NXN: variants seen among roughly 807,000 people sequenced by gnomAD.
NXN encodes the protein nucleoredoxin 1.
In NXN, 16 loss-of-function variants were observed where a neutral mutation model predicts 48.6. The ratio of observed to expected loss-of-function variants is 0.33; its 90% CI spans 0.22 to 0.50. The LOEUF is 0.50. Ranked by LOEUF, NXN falls within the 20% of genes least tolerant of loss-of-function variation. The pLI is 0.98. For synonymous variants in NXN, 281 were observed against 269.6 expected, an observed-to-expected ratio of 1.04 and a Z score of -0.41; for missense variants, 492 against 605.5, an observed-to-expected ratio of 0.81 and a Z score of 1.97.
rs1289413564 is a variant in NXN, at chr17:826,924, GC to G, written c.361-847del. Among the ~76,000 whole-genome samples the G allele has an allele frequency of 1.1e-4, 17 of 152,386 alleles. 1 individual carries two copies. In the East Asian group the frequency reaches 3.3e-3, roughly 29 times the overall value. ...GTCAATGCAAAGCCCAGGGCTGGAA[GC>G]CAAGCGTGGGCGGCCTCTGTTCGCC... On this transcript the variant is annotated intron_variant, in intron 1 of 7. Transcript: ENST00000336868.
chr17:885,671 G>GTTT (rs1275103196), intron 1 of NXN, among the ~76,000 whole-genome samples: 1 of 70,274 alleles, frequency 1.4e-5, no homozygotes, highest in African/African-American at 5.6e-5. Context: ...TGCGGTACTC[G>GTTT]CTTTTTTTTT....
intron 1 of NXN, among the ~76,000 whole-genome samples, chr17:931,311 GGTGTGGTGGTGT>G (rs2068851082): frequency 6.6e-6 from 1 of 151,128 alleles, no homozygotes; most frequent in Non-Finnish European, 1.5e-5. Context: ...AAATTAGCTG[GGTGTGGTGGTGT>G]GTGCCTGTAA....
chr17:921,523 C>A (rs1170984092), intron 1 of NXN, among the ~76,000 whole-genome samples: 3 of 152,192 alleles, frequency 2.0e-5, no homozygotes, highest in Non-Finnish European at 2.9e-5. Flanking sequence ...CCTCTGCCTG[C>A]CCCTGAATGC....
intron 1 of NXN, among the ~76,000 whole-genome samples, chr17:843,608 G>A (rs574404646): frequency 2.0e-5 from 3 of 152,332 alleles, no homozygotes; most frequent in Non-Finnish European, 4.4e-5. Flanking sequence ...TGCATAGGAG[G>A]GGGAGTGAGG....
intron 1 of NXN, among the ~76,000 whole-genome samples, chr17:878,438 A>T (rs796277768): frequency 4.4e-4 from 23 of 52,438 alleles, no homozygotes; most frequent in East Asian, 2.8e-3. Flanking sequence ...CCCTTGAAGG[A>T]GGGGTTTGCG....
chr17:944,107 C>T (rs990554153), intron 1 of NXN, among the ~76,000 whole-genome samples: 9 of 149,680 alleles, frequency 6.0e-5, no homozygotes, highest in Admixed American at 3.3e-4. Context: ...GGTGTGGTGA[C>T]GGGTGCCTGT....
chr17:799,551 T>A lies in NXN; in HGVS notation c.*1398A>T, dbSNP rs1911093525. On this transcript the variant is annotated 3_prime_UTR_variant, in exon 8 of 8. Transcript: ENST00000336868. ...TCAATGGTCTTGGCTGGCAGAGTGC[T>A]GAGTGGGGCCTGAGTGAATGAGGCT... 6.6e-6 allele frequency: 1 copy of A among 152,286 alleles called. No homozygotes were observed. Among genetic ancestry groups the A allele is most frequent in the Non-Finnish European group, 1.5e-5 (1 of 68,106 alleles). The allele number at this position is 152,286 out of a possible 1,614,324, so 9.4% of individuals were successfully genotyped here. A position where few individuals can be genotyped will look rare whatever the true frequency, so the allele number is the denominator to read the frequency against.
At chr17:848,387 C>A (rs529804931) in intron 1 of NXN, among the ~76,000 whole-genome samples, 1 of 152,164 alleles carries the variant, frequency 6.6e-6, no homozygotes, top group African/African-American at 2.4e-5. Context: ...GTGATCTGCC[C>A]GCCTCAGCCT....
rs1191856540 is a variant in NXN at position 932,920 on chromosome 17, T to A, written c.360+46399A>T. ...GCCTCGGCCTCCCTCAGTACTGGGA[T>A]TCCAGGCGTGAGCCACCGCGCCCAG... On this transcript the variant is annotated intron_variant, in intron 1 of 7. Coordinates refer to ENST00000336868, the MANE Select transcript of NXN (RefSeq NM_022463.5). The surrounding 1 kb of genome is among the most constrained non-coding windows in gnomAD (Gnocchi z 4.1). Among the ~76,000 whole-genome samples the A allele has an allele frequency of 6.6e-6, 1 of 150,928 alleles. No homozygotes were observed. The highest frequency in any genetic ancestry group is 1.5e-5 in the Non-Finnish European group (1 of 67,546).
Position 924,340 on chromosome 17 carries a change from G to A in NXN, c.360+54979C>T, listed in dbSNP as rs375967905. ...CAACCTCCACCTCCTGGGTTCAAGC[G>A]ATTCTCCTGCCTCAGCCCCCCGCGT... On this transcript the variant is annotated intron_variant, in intron 1 of 7. Transcript: ENST00000336868. Among the ~76,000 whole-genome samples the A allele has an allele frequency of 9.8e-5, 15 of 152,308 alleles. 2 individuals carry two copies. The highest frequency in any genetic ancestry group is 1.9e-4 in the East Asian group (1 of 5,182).
At chr17:844,236 G>GACC (rs1307427469) in intron 1 of NXN, among the ~76,000 whole-genome samples, 1 of 146,400 alleles carries the variant, frequency 6.8e-6, no homozygotes, top group African/African-American at 2.6e-5. Flanking sequence ...GAAGGTGGGA[G>GACC]ACCAGGCCAT....
At chr17:846,820 A>T (rs1007414169) in intron 1 of NXN, among the ~76,000 whole-genome samples, 2 of 152,180 alleles carry the variant, frequency 1.3e-5, no homozygotes, top group East Asian at 3.8e-4. Flanking sequence ...CATGCTGGGC[A>T]CTTAACAAAG....
intron 1 of NXN, among the ~76,000 whole-genome samples, chr17:922,484 G>T (rs1375383260): frequency 6.6e-6 from 1 of 152,070 alleles, no homozygotes; most frequent in Non-Finnish European, 1.5e-5. Flanking sequence ...CCATTAGTTG[G>T]AAATAGGATG....
chr17:824,071 A>C (rs1597631796), intron 2 of NXN, among the ~76,000 whole-genome samples: 3 of 131,250 alleles, frequency 2.3e-5, no homozygotes, highest in Non-Finnish European at 4.7e-5. Flanking sequence ...GTAGAGTCTC[A>C]CTCTGTCGCC....
intron 1 of NXN, among the ~76,000 whole-genome samples, chr17:913,087 C>A (rs2068652751): frequency 6.6e-6 from 1 of 152,122 alleles, no homozygotes; most frequent in South Asian, 2.1e-4. Context: ...GTATTTTGGA[C>A]CATATAGAAG....
chr17:867,785 G>C lies in NXN; in HGVS notation c.361-41707C>G, dbSNP rs537476006. ...TACTAAAAATACAAAAATTAGCCAGGTGTGGTGGCGGGAGGCTGTAATCGC... is the reference window on the plus strand; with the variant it reads ...TACTAAAAATACAAAAATTAGCCAGCTGTGGTGGCGGGAGGCTGTAATCGC... On this transcript the variant is annotated intron_variant, in intron 1 of 7. Transcript: ENST00000336868. Among the ~76,000 whole-genome samples, 3 of 152,150 alleles carry C rather than the reference G, an allele frequency of 2.0e-5. No homozygotes were observed. The East Asian group carries it at 5.8e-4, about 29-fold the overall frequency.
chr17:853,702 C>CATAAATATATATATAT (rs2067949814), intron 1 of NXN, among the ~76,000 whole-genome samples: 2 of 119,316 alleles, frequency 1.7e-5, no homozygotes, highest in African/African-American at 7.3e-5. Context: ...CTGTTATACA[C>CATAAATATATATATAT]ATATATATAT....
At chr17:833,711 C>T (rs956652685) in intron 1 of NXN, among the ~76,000 whole-genome samples, 7 of 152,142 alleles carry the variant, frequency 4.6e-5, no homozygotes, top group Admixed American at 2.0e-4. Flanking sequence ...GGGAGGTCTA[C>T]AGACCCCAAA....
At chr17:842,166 C>T (rs969564975) in intron 1 of NXN, among the ~76,000 whole-genome samples, 2 of 152,060 alleles carry the variant, frequency 1.3e-5, no homozygotes, top group Admixed American at 1.3e-4. Flanking sequence ...GCTCGACACC[C>T]TTCCAATTAA....
Sources: allele counts gnomAD v4.1 joint callset (sites outside exome capture counted in the v4.1 genomes callset), GRCh38; gene constraint gnomAD v4.1.1; non-coding constraint Gnocchi (gnomAD v3.1); transcripts MANE v1.5; gene names NCBI Gene and HGNC (gene_info 2026-07-23, HGNC 2026-07-21).